The following ZNF384 variants were observed in gnomAD, a reference collection of about 807,000 sequenced individuals.
ZNF384 encodes zinc finger protein 384, also known as CAG repeat protein 1.
Under a neutral mutation model 65.0 loss-of-function variants are expected in ZNF384, and 20 were observed. The ratio of observed to expected loss-of-function variants is 0.31; its 90% confidence interval spans 0.22 to 0.45. The LOEUF is 0.45. Ranked by LOEUF, ZNF384 falls within the 20% of genes least tolerant of loss-of-function variation. The pLI is 1.00. For missense variants in ZNF384, 549 were observed against 769.4 expected (o/e 0.71, Z 3.39); for synonymous variants, 310 against 303.9 (o/e 1.02, Z -0.21).
rs201837928 is a variant in ZNF384, at chr12:6,668,103, T to C, written c.1438A>G (p.Met480Val). The change falls in exon 12 of 12, where the codon ATG becomes GTG. Residue 480 changes from methionine (M) to valine (V), a missense_variant. By Grantham distance (21) the Met-to-Val change is conservative. Transcript: ENST00000683879. Reference sequence around the variant, plus strand: ...GGGTTGTGTTTGCGCATATGTTTCATAAGGTATGTTTCCTGAGGGAGATGG... The same window carrying C: ...GGGTTGTGTTTGCGCATATGTTTCACAAGGTATGTTTCCTGAGGGAGATGG... ...SRAYTSETYL[M>V]KHMRKHNPPD... 427 of 1,593,784 alleles carry C rather than the reference T, an allele frequency of 2.7e-4. No individual in the cohort carries two copies. The highest frequency in any genetic ancestry group is 6.7e-4 in the Middle Eastern group (4 of 5,940).
intron 2 of ZNF384, among the ~76,000 whole-genome samples, chr12:6,686,708 G>C (rs1165481738): frequency 6.6e-6 from 1 of 152,198 alleles, no homozygotes; most frequent in African/African-American, 2.4e-5. Context: ...ATGGTGATGA[G>C]ATAAAGGCAG....
At chr12:6,684,155 G>C (rs1957105789) in intron 2 of ZNF384, among the ~76,000 whole-genome samples, 1 of 152,200 alleles carries the variant, frequency 6.6e-6, no homozygotes, top group African/African-American at 2.4e-5. Context: ...GGTAGGTACT[G>C]TAATTCCCAT....
At chr12:6,684,869 C>T (rs1213165677) in intron 2 of ZNF384, among the ~76,000 whole-genome samples, 1 of 152,100 alleles carries the variant, frequency 6.6e-6, no homozygotes, top group Non-Finnish European at 1.5e-5. Flanking sequence ...CGTTCTGGGG[C>T]CAGATCACTC....
rs766952960 is a variant in ZNF384, at chr12:6,678,437, G to C, written c.376C>G (p.Pro126Ala). 2.5e-6 allele frequency: 4 copies of C among 1,592,824 alleles called. No homozygotes were observed. The highest frequency in any genetic ancestry group is 2.3e-5 in the East Asian group (1 of 44,212). The change falls in exon 6 of 12, where the codon CCC (proline) becomes GCC (alanine). Residue 126 changes from proline to alanine, a missense_variant. Pro to Ala is a conservative substitution (Grantham distance 27, BLOSUM62 -1). Around this residue, in one of 5 missense-constraint regions of ZNF384, gnomAD observed 277 missense variants for 337.2 expected, o/e 0.82. Transcript: ENST00000683879. The surrounding 1 kb of genome is among the most constrained non-coding windows in gnomAD (Gnocchi z 4.9). ...GCTGTGGTCACAAGAGAGCCTGAGG[G>C]GGACGTGATTACCAAACCCGGACCT... ...SRGPGLVITS[P>A]SGSLVTTASS... is the part of the protein sequence containing the mutation.
chr12:6,677,622 G>T (rs182003992), intron 6 of ZNF384, among the ~76,000 whole-genome samples: 47 of 152,212 alleles, frequency 3.1e-4, no homozygotes, highest in African/African-American at 1.1e-3. Context: ...TATTCCAAAG[G>T]GGGAGGCATC....
At chr12:6,674,269 C>G (rs1473348819) in intron 7 of ZNF384, among the ~76,000 whole-genome samples, 1 of 152,256 alleles carries the variant, frequency 6.6e-6, no homozygotes, top group African/African-American at 2.4e-5. Context: ...ATCGTACTTT[C>G]ACTCATCCCA....
chr12:6,677,289 G>A (rs1481167023), intron 6 of ZNF384, 30 bp from the exon 7 acceptor site: 1 of 1,302,420 alleles, frequency 7.7e-7, no homozygotes, highest in Non-Finnish European at 1.0e-6. Flanking sequence ...GCCCATCTGG[G>A]TACACTAAGG....
intron 2 of ZNF384, among the ~76,000 whole-genome samples, chr12:6,684,952 C>A (rs1957365217): frequency 6.6e-6 from 1 of 152,170 alleles, no homozygotes; most frequent in African/African-American, 2.4e-5. Context: ...ATCATCCCAA[C>A]ATTCAATCAG....
chr12:6,681,077 G>A (rs1955734923), intron 2 of ZNF384, among the ~76,000 whole-genome samples: 2 of 152,046 alleles, frequency 1.3e-5, no homozygotes, highest in African/African-American at 4.8e-5. Flanking sequence ...AATTAGCCGG[G>A]GCATGGTGGC....
intron 7 of ZNF384, among the ~76,000 whole-genome samples, chr12:6,676,711 T>TA (rs1226713293): frequency 2.6e-5 from 4 of 152,236 alleles, no homozygotes; most frequent in African/African-American, 9.6e-5. Context: ...TTCTATACGA[T>TA]AACTTAAAAG....
At position 6,666,604 on chromosome 12, in the gene ZNF384, ATTTCC is replaced by A. The variant is rs1949833792; in HGVS notation, c.*1105_*1109del. 1 of 159,896 alleles carries A rather than the reference ATTTCC, an allele frequency of 6.3e-6. No individual in the cohort carries two copies. The highest frequency in any genetic ancestry group is 1.3e-5 in the Non-Finnish European group (1 of 74,460). 9.9% of individuals were successfully genotyped at this position (159,896 alleles called of 1,614,324 possible). A position where few individuals can be genotyped will look rare whatever the true frequency, so the allele number is the denominator to read the frequency against. On this transcript the variant is annotated 3_prime_UTR_variant, in exon 12 of 12. Coordinates refer to ENST00000683879, the MANE Select transcript of ZNF384 (RefSeq NM_001385745.1). ...AACTGGTTTCCTGATTTTTTTTTTA[ATTTCC>A]TTTCCTCTGAAATCTGCCATGATTT...
Position 6,678,968 on chromosome 12 carries a change from C to T in ZNF384, c.282G>A (p.Pro94=), listed in dbSNP as rs745844991. The change falls in exon 4 of 12, where the codon CCG becomes CCA. Residue 94 remains proline (P), a synonymous_variant. Transcript: ENST00000683879. The surrounding 1 kb of genome is among the most constrained non-coding windows in gnomAD (Gnocchi z 4.9). ...VTQNITVVPV[P]STGLMTAGVS... is the part of the protein sequence containing the mutation. ...CACCAGCAGTCATCAGTCCTGTAGA[C>T]GGCACAGGGACCACCGTGATATTCT... The T allele has an allele frequency of 7.4e-6, 12 of 1,613,560 alleles. No homozygotes were observed. Among genetic ancestry groups the T allele is most frequent in the African/African-American group, 5.3e-5 (4 of 74,802 alleles).
chr12:6,687,543 C>T (rs1958375292), intron 2 of ZNF384, among the ~76,000 whole-genome samples: 1 of 152,186 alleles, frequency 6.6e-6, no homozygotes, highest in Non-Finnish European at 1.5e-5. Flanking sequence ...TAGGTCCACT[C>T]ACTGTCATTT....
At position 6,667,065 on chromosome 12, in the gene ZNF384, A is replaced by C; in HGVS notation, c.*649T>G. 1 of 231,734 alleles carries C rather than the reference A, an allele frequency of 4.3e-6. No individual in the cohort carries two copies. The highest frequency in any genetic ancestry group is 6.3e-5 in the East Asian group (1 of 15,922). The allele number at this position is 231,734 out of a possible 1,614,324, so 14.4% of individuals were successfully genotyped here. ...CCGTAAAACCATAACACACACTTCTAAGCCACCTGTGACCAACTTGGGAAT... is the reference window on the plus strand; with the variant it reads ...CCGTAAAACCATAACACACACTTCTCAGCCACCTGTGACCAACTTGGGAAT... On this transcript the variant is annotated 3_prime_UTR_variant, in exon 12 of 12. Coordinates refer to ENST00000683879, the MANE Select transcript of ZNF384 (RefSeq NM_001385745.1).
intron 2 of ZNF384, among the ~76,000 whole-genome samples, chr12:6,683,193 C>T (rs970390872): frequency 6.7e-6 from 1 of 150,238 alleles, no homozygotes; most frequent in Non-Finnish European, 1.5e-5. Context: ...CAGGAGGCTG[C>T]GGCAGGAGAA....
intron 2 of ZNF384, among the ~76,000 whole-genome samples, chr12:6,684,670 G>C (rs1404392826): frequency 2.0e-5 from 3 of 152,148 alleles, no homozygotes; most frequent in Admixed American, 6.5e-5. Flanking sequence ...AGACCACAGA[G>C]AGAACTGCTC....
chr12:6,668,342 AGCT>A (rs764500733), intron 11 of ZNF384, among the ~76,000 whole-genome samples: 16 of 152,188 alleles, frequency 1.1e-4, no homozygotes, highest in Non-Finnish European at 2.1e-4. Flanking sequence ...CAAAGGAATG[AGCT>A]GCTATTTTTT....
Position 6,672,398 on chromosome 12 carries a change from T to C in ZNF384, c.1139A>G (p.Tyr380Cys). ...GAGCTGGCGGAAGGCCTTCTGGCAGTAGGAACAGTTGTAGGGCTTGGCCCC... is the reference window on the plus strand; with the variant it reads ...GAGCTGGCGGAAGGCCTTCTGGCAGCAGGAACAGTTGTAGGGCTTGGCCCC... ...HSGAKPYNCS[Y>C]CQKAFRQLSH... is the part of the protein sequence containing the mutation. Residue 380 changes from tyrosine (Y) to cysteine (C), a missense_variant, in exon 9 of 12, where the codon TAC becomes TGC. This residue lies in a region of ZNF384 where 59 missense variants were observed against 63.6 expected (regional missense o/e 0.93). Coordinates refer to ENST00000683879, the MANE Select transcript of ZNF384 (RefSeq NM_001385745.1). The surrounding 1 kb of genome is among the most constrained non-coding windows in gnomAD (Gnocchi z 4.4). 1 of 1,613,944 alleles carries C rather than the reference T, an allele frequency of 6.2e-7. No individual in the cohort carries two copies. Among genetic ancestry groups the C allele is most frequent in the Non-Finnish European group, 8.5e-7 (1 of 1,179,864 alleles).
chr12:6,671,741 C>T (rs1160768360), intron 9 of ZNF384: 1 of 152,522 alleles, frequency 6.6e-6, no homozygotes, highest in Non-Finnish European at 1.5e-5. Flanking sequence ...GGCAGGTTCC[C>T]TTCTTCCTAG....
Sources: gnomAD v4.1 joint callset for allele counts (sites outside exome capture counted in the v4.1 genomes callset) on GRCh38, gnomAD v4.1.1 for gene constraint, gnomAD v4.1.1 regional missense constraint, Gnocchi (gnomAD v3.1) non-coding constraint, MANE v1.5 for transcripts, NCBI Gene and HGNC (gene_info 2026-07-23, HGNC 2026-07-21) for gene names.